The following PLA2G4E variants were observed in gnomAD, a reference collection of about 807,000 sequenced individuals.
PLA2G4E encodes cytosolic phospholipase A2 epsilon.
In PLA2G4E, 84 loss-of-function variants were observed where a neutral mutation model predicts 109.1. That is an observed-to-expected ratio of 0.77 (90% CI 0.65 to 0.92). The LOEUF is 0.92. Among genes scored for constraint, PLA2G4E ranks in the 40% least tolerant of loss-of-function variants. The probability of loss-of-function intolerance (pLI) is 0.00; values close to 1 mark genes in which losing one functional copy is unlikely to be tolerated. For synonymous variants in PLA2G4E, 469 were observed against 436.1 expected (o/e 1.08, Z -0.94); for missense variants, 1,057 against 1,076.6 (o/e 0.98, Z 0.25).
chr15:41,996,861 C>G (rs956561007), intron 11 of PLA2G4E, among the ~76,000 whole-genome samples: 2 of 152,188 alleles, frequency 1.3e-5, no homozygotes, highest in Non-Finnish European at 2.9e-5. Flanking sequence ...GAGTAAGGCC[C>G]CTTTAGCCAC....
In PLA2G4E at chr15:42,013,697, G is replaced by A; in HGVS notation, c.244C>T (p.Gln82Ter). ...GGTGGATACTCACGCATATCAGCCT[G>A]CCGGACATTTTTCATCCGGATGACC... The change falls in exon 2 of 20, where the codon CAG becomes TAG. Residue 82 changes from glutamine to a stop codon, truncating the protein, a stop_gained. Transcript: ENST00000399518. LOFTEE classifies it high-confidence loss of function. The A allele has an allele frequency of 6.4e-7, 1 of 1,550,458 alleles. No individual in the cohort carries two copies. Among genetic ancestry groups the A allele is most frequent in the Admixed American group, 2.0e-5 (1 of 50,994 alleles).
intron 1 of PLA2G4E, among the ~76,000 whole-genome samples, chr15:42,015,180 G>A (rs548860965): frequency 4.6e-5 from 7 of 152,212 alleles, no homozygotes; most frequent in South Asian, 2.1e-4. Context: ...TCTGAGTCTC[G>A]CAGCAGCCAC....
Position 42,017,247 on chromosome 15 carries a change from A to G in PLA2G4E, c.184-3490T>C, listed in dbSNP as rs137953446. 2.2e-3 allele frequency among the ~76,000 whole-genome samples: 333 copies of G among 152,226 alleles called. 2 individuals carry two copies. The highest frequency in any genetic ancestry group is 7.8e-3 in the African/African-American group (324 of 41,526). On this transcript the variant is annotated intron_variant, in intron 1 of 19. Coordinates refer to ENST00000399518, the Ensembl canonical transcript of PLA2G4E. ...CCTGTGGCCCAGCCTGCCTCCTTCA[A>G]TATCTACTCTGGCAGGGAAGGCGCA...
chr15:41,984,556 GC>G lies in PLA2G4E; in HGVS notation c.2265del (p.Pro756GlnfsTer12), dbSNP rs771182200. ...TCCTTGAGATTTTCATTCTCATCTG[GC>G]AGCTCGTATTTGGGGAAGGGGATGT... On this transcript the variant is annotated frameshift_variant, in exon 19 of 20. Transcript: ENST00000399518. LOFTEE classifies it high-confidence loss of function. 6.2e-7 allele frequency: 1 copy of G among 1,613,824 alleles called. No individual in the cohort carries two copies. Among genetic ancestry groups the G allele is most frequent in the African/African-American group, 1.3e-5 (1 of 74,912 alleles).
At chr15:41,997,187 C>G in exon 11 of PLA2G4E, 1 of 1,558,204 alleles carries the variant, frequency 6.4e-7, no homozygotes, top group South Asian at 1.2e-5. Context: ...CCACCACGAC[C>G]TTCCGCTTCT....
At chr15:42,026,023 T>C (rs185729247) in intron 1 of PLA2G4E, among the ~76,000 whole-genome samples, 115 of 152,180 alleles carry the variant, frequency 7.6e-4, no homozygotes, top group African/African-American at 2.6e-3. Flanking sequence ...ATATTGTCAG[T>C]TTTGAATACA....
chr15:41,981,690 T>C (rs1212265067), exon 20 of PLA2G4E: 1 of 152,258 alleles, frequency 6.6e-6, no homozygotes, highest in East Asian at 1.9e-4. Context: ...CGCCTTACGA[T>C]AAACAAGTCC....
At chr15:42,000,309 C>A (rs759657574) in intron 7 of PLA2G4E, 27 bp from the exon 8 acceptor site, 6 of 1,538,406 alleles carry the variant, frequency 3.9e-6, no homozygotes, top group Admixed American at 2.0e-5. Context: ...GAGGGTGAGA[C>A]CCTGGGAGCC....
chr15:42,030,426 T>G (rs1030786402), intron 1 of PLA2G4E, among the ~76,000 whole-genome samples: 8 of 152,294 alleles, frequency 5.3e-5, no homozygotes, highest in African/African-American at 1.7e-4. Context: ...CCACCAGGTT[T>G]AGTTTTCTCC....
chr15:41,989,620 C>CT (rs1000140973), intron 14 of PLA2G4E, 68 bp from the exon 15 acceptor site: 8 of 1,539,556 alleles, frequency 5.2e-6, no homozygotes, highest in Non-Finnish European at 7.0e-6. Flanking sequence ...CCGGGCCCCC[C>CT]TCCTGCCTGC....
intron 4 of PLA2G4E, 118 bp from the exon 5 acceptor site, chr15:42,005,096 C>T: frequency 1.6e-6 from 2 of 1,217,922 alleles, no homozygotes; most frequent in Non-Finnish European, 2.4e-6. Flanking sequence ...CCCACAGCTG[C>T]CTGCTGCCAT....
intron 8 of PLA2G4E, 37 bp downstream of exon 8, chr15:42,000,067 G>C (rs1427986731): frequency 4.4e-6 from 7 of 1,574,078 alleles, no homozygotes; most frequent in South Asian, 1.2e-5. Flanking sequence ...ACCTGTCCCA[G>C]TCCCCCACAC....
At chr15:41,993,662 A>C (rs1341715919) in intron 12 of PLA2G4E, among the ~76,000 whole-genome samples, 1 of 152,110 alleles carries the variant, frequency 6.6e-6, no homozygotes, top group Non-Finnish European at 1.5e-5. Context: ...GCGTCAGGAC[A>C]GGAAAGGGCC....
rs1889262841 is a variant in PLA2G4E at position 42,038,765 on chromosome 15, A to C, written c.183+11756T>G. 2.0e-5 allele frequency among the ~76,000 whole-genome samples: 3 copies of C among 152,298 alleles called. No homozygotes were observed. In the South Asian group the frequency reaches 6.2e-4, roughly 32 times the overall value. On this transcript the variant is annotated intron_variant, in intron 1 of 19. Coordinates refer to ENST00000399518, the Ensembl canonical transcript of PLA2G4E. Reference sequence around the variant, plus strand: ...AATGCTACTGTGCACTTTCTTGTACATGTCATGTTTCTTTAGTGTCTATAT... The same window carrying C: ...AATGCTACTGTGCACTTTCTTGTACCTGTCATGTTTCTTTAGTGTCTATAT...
intron 3 of PLA2G4E, among the ~76,000 whole-genome samples, chr15:42,006,989 T>C (rs551684353): frequency 1.3e-5 from 2 of 152,260 alleles, no homozygotes; most frequent in African/African-American, 4.8e-5. Context: ...CTCACATGTA[T>C]GATAGAAAAG....
chr15:41,992,624 G>T (rs1230817187), intron 13 of PLA2G4E, 113 bp downstream of exon 13: 1 of 1,008,040 alleles, frequency 9.9e-7, no homozygotes, highest in South Asian at 1.7e-5. Context: ...GGATACTCCC[G>T]CAGGTCTAAC....
At chr15:42,021,250 T>C (rs998677251) in intron 1 of PLA2G4E, among the ~76,000 whole-genome samples, 3 of 151,300 alleles carry the variant, frequency 2.0e-5, no homozygotes, top group African/African-American at 7.3e-5. Flanking sequence ...GTCTTTGGGG[T>C]CAGCAGTCTG....
At chr15:42,043,564 C>CAAA (rs58079481) in intron 1 of PLA2G4E, among the ~76,000 whole-genome samples, 433 of 94,986 alleles carry the variant, frequency 4.6e-3, no homozygotes, top group Non-Finnish European at 6.3e-3. Flanking sequence ...ATGGAGGATA[C>CAAA]AAAAAAAAAA....
At chr15:42,033,431 C>A (rs1360534023) in intron 1 of PLA2G4E, among the ~76,000 whole-genome samples, 1 of 152,170 alleles carries the variant, frequency 6.6e-6, no homozygotes, top group African/African-American at 2.4e-5. Context: ...AGAGGAGTGG[C>A]TGAGCTGGCC....
Sources: gnomAD v4.1 joint callset for allele counts (sites outside exome capture counted in the v4.1 genomes callset) on GRCh38, gnomAD v4.1.1 for gene constraint, MANE v1.5 for transcripts, NCBI Gene and HGNC (gene_info 2026-07-23, HGNC 2026-07-21) for gene names.